Variants in SPHKAP observed in about 807,000 individuals in gnomAD.
SPHKAP encodes SPHK1 interactor, AKAP domain containing.
In SPHKAP, 67 loss-of-function variants were observed where a neutral mutation model predicts 137.5. The ratio of observed to expected loss-of-function variants is 0.49; its 90% CI spans 0.40 to 0.60. The LOEUF (loss-of-function observed/expected upper bound fraction) is 0.60, where lower values mean the gene tolerates loss of function less well. Among genes scored for constraint, SPHKAP ranks in the 20% least tolerant of loss-of-function variants. The pLI, the probability that SPHKAP is intolerant of heterozygous loss-of-function variation, is 0.00. For missense variants in SPHKAP, 2,097 were observed against 2,069.3 expected, an observed-to-expected ratio of 1.01 and a Z score of -0.26; for synonymous variants, 813 against 785.3, an observed-to-expected ratio of 1.04 and a Z score of -0.59.
At chr2:228,153,604 G>T (rs1318836096) in intron 1 of SPHKAP, among the ~76,000 whole-genome samples, 2 of 152,070 alleles carry the variant, frequency 1.3e-5, no homozygotes, top group Admixed American at 6.6e-5. Context: ...TTTTAAAAAG[G>T]TCATGTATCT....
chr2:228,079,709 C>A (rs1697299222), intron 3 of SPHKAP, among the ~76,000 whole-genome samples: 2 of 152,218 alleles, frequency 1.3e-5, no homozygotes. Flanking sequence ...TTCAGCAAGT[C>A]CCCTTGAATA....
At chr2:228,131,279 G>C (rs1260444919) in intron 2 of SPHKAP, 1 of 984,714 alleles carries the variant, frequency 1.0e-6, no homozygotes, top group African/African-American at 1.7e-5. Flanking sequence ...CACTGTGATT[G>C]CTTCTGAATT....
chr2:228,137,688 A>C (rs768832110), intron 1 of SPHKAP, among the ~76,000 whole-genome samples: 3 of 152,164 alleles, frequency 2.0e-5, no homozygotes, highest in Non-Finnish European at 4.4e-5. Context: ...TAGAAAAAAA[A>C]ATTAAAACTC....
At chr2:228,123,660 C>T (rs886997866) in intron 2 of SPHKAP, among the ~76,000 whole-genome samples, 1 of 152,126 alleles carries the variant, frequency 6.6e-6, no homozygotes, top group African/African-American at 2.4e-5. Context: ...GAAACTCTGA[C>T]TAATAAAAAT....
At chr2:228,131,187 T>G (rs1249091749) in intron 2 of SPHKAP, 1 of 484,834 alleles carries the variant, frequency 2.1e-6, no homozygotes, top group African/African-American at 2.1e-5. Context: ...CACATAACAA[T>G]ATGCTTAGTA....
At chr2:228,047,479 A>C (rs574807318) in intron 3 of SPHKAP, among the ~76,000 whole-genome samples, 118 of 149,848 alleles carry the variant, frequency 7.9e-4, no homozygotes, top group Middle Eastern at 3.6e-3. Flanking sequence ...AAAAAAAAAA[A>C]AAACAAAAAA....
chr2:228,123,986 C>T (rs1459368737), intron 2 of SPHKAP, among the ~76,000 whole-genome samples: 2 of 151,970 alleles, frequency 1.3e-5, no homozygotes, highest in African/African-American at 4.8e-5. Context: ...TGAAAAAATG[C>T]TCATCATCAC....
At chr2:228,067,706 G>T (rs1574819057) in intron 3 of SPHKAP, among the ~76,000 whole-genome samples, 1 of 152,028 alleles carries the variant, frequency 6.6e-6, no homozygotes, top group African/African-American at 2.4e-5. Context: ...GCTGCTAGAA[G>T]AAAAAATGAC....
chr2:228,078,108 G>A (rs1037888746), intron 3 of SPHKAP, among the ~76,000 whole-genome samples: 1 of 152,152 alleles, frequency 6.6e-6, no homozygotes, highest in Non-Finnish European at 1.5e-5. Flanking sequence ...GGAACTGTAA[G>A]TCCAATAAAC....
chr2:228,044,425 C>G (rs1300226267), intron 3 of SPHKAP, among the ~76,000 whole-genome samples: 1 of 152,114 alleles, frequency 6.6e-6, no homozygotes, highest in Non-Finnish European at 1.5e-5. Flanking sequence ...CACGGGTACT[C>G]TAAGAACCAC....
intron 3 of SPHKAP, among the ~76,000 whole-genome samples, chr2:228,030,382 C>T (rs999770094): frequency 4.6e-5 from 7 of 151,666 alleles, no homozygotes; most frequent in East Asian, 3.9e-4. Flanking sequence ...GGTGTGGTGG[C>T]GCACACCTGT....
At chr2:228,131,886 G>T in intron 2 of SPHKAP, 94 bp downstream of exon 2, 1 of 1,473,522 alleles carries the variant, frequency 6.8e-7, no homozygotes, top group Non-Finnish European at 9.3e-7. Context: ...TGTTTTTATT[G>T]TTGTTTCTAC....
intron 7 of SPHKAP, among the ~76,000 whole-genome samples, chr2:228,012,829 C>A (rs1289373937): frequency 6.6e-6 from 1 of 152,142 alleles, no homozygotes; most frequent in Non-Finnish European, 1.5e-5. Context: ...TCAGAATTGT[C>A]AGTTTGTTGT....
At chr2:228,032,541 A>T (rs890187471) in intron 3 of SPHKAP, among the ~76,000 whole-genome samples, 8 of 152,140 alleles carry the variant, frequency 5.3e-5, no homozygotes, top group African/African-American at 1.9e-4. Flanking sequence ...CGCCACAAAG[A>T]TACTCCTCGA....
At chr2:228,086,951 A>G (rs1697558085) in intron 3 of SPHKAP, among the ~76,000 whole-genome samples, 1 of 152,206 alleles carries the variant, frequency 6.6e-6, no homozygotes, top group African/African-American at 2.4e-5. Context: ...TAGCTCCAAA[A>G]GTAACCCTTG....
In SPHKAP at chr2:228,017,017, G is replaced by C; in HGVS notation, c.3837C>G (p.Ser1279Arg). The change falls in exon 7 of 12, where the codon AGC becomes AGG. Residue 1279 changes from serine to arginine, a missense_variant. Physicochemically the swap from Ser to Arg is moderately radical, Grantham distance 110. Transcript: ENST00000392056. ...QDFLSVQPVS[S>R]ASSSGLCKSD... Reference sequence around the variant, plus strand: ...ATTTGCAGAGACCGGATGAGGACGCGCTACTGACCGGCTGCACGCTTAGGA... The same window carrying C: ...ATTTGCAGAGACCGGATGAGGACGCCCTACTGACCGGCTGCACGCTTAGGA... The C allele has an allele frequency of 6.2e-7, 1 of 1,614,130 alleles. No homozygotes were observed. The highest frequency in any genetic ancestry group is 8.5e-7 in the Non-Finnish European group (1 of 1,180,028).
intron 7 of SPHKAP, among the ~76,000 whole-genome samples, chr2:228,014,994 C>T (rs954736910): frequency 5.3e-5 from 8 of 151,546 alleles, no homozygotes; most frequent in Non-Finnish European, 8.8e-5. Context: ...TATGTATACA[C>T]GTGCCATGCT....
Position 228,019,547 on chromosome 2 carries a change from T to A in SPHKAP, c.1307A>T (p.Lys436Ile). 6.2e-7 allele frequency: 1 copy of A among 1,614,178 alleles called. No individual in the cohort carries two copies. The highest frequency in any genetic ancestry group is 1.6e-4 in the Middle Eastern group (1 of 6,062). ...CCATGACCGAGAAACCACTGTATCT[T>A]TTGTGGAATAGCAACTGGGAAGCAG... The part of the protein sequence containing the change: ...SSLLPSCYST[K>I]DTVVSRSWNE... The change falls in exon 7 of 12, where the codon AAA becomes ATA. Residue 436 changes from lysine (K) to isoleucine (I), a missense_variant. By Grantham distance (102) the Lys-to-Ile change is moderately radical. Coordinates refer to ENST00000392056, the MANE Select transcript of SPHKAP (RefSeq NM_001142644.2).
chr2:227,999,045 T>A (rs1443097946), intron 7 of SPHKAP, among the ~76,000 whole-genome samples: 1 of 152,190 alleles, frequency 6.6e-6, no homozygotes, highest in Non-Finnish European at 1.5e-5. Flanking sequence ...GGTTATATTT[T>A]AAAAATTTAA....
Sources: allele counts gnomAD v4.1 joint callset (sites outside exome capture counted in the v4.1 genomes callset), GRCh38; gene constraint gnomAD v4.1.1; transcripts MANE v1.5; gene names NCBI Gene and HGNC (gene_info 2026-07-23, HGNC 2026-07-21).